Variants in CFTR observed in about 807,000 individuals in gnomAD.
The protein encoded by CFTR is cystic fibrosis transmembrane conductance regulator.
CFTR carries 181 observed loss-of-function variants against 171.6 expected under a neutral mutation model. The ratio of observed to expected loss-of-function variants is 1.05; its 90% CI spans 0.93 to 1.19. CFTR has a LOEUF of 1.19. CFTR is among the 50% of genes most tolerant of loss of function. The pLI is 0.00. For missense variants in CFTR, 1,968 were observed against 1,734.7 expected (o/e 1.13, Z -2.39); for synonymous variants, 583 against 608.0 (o/e 0.96, Z 0.60).
At chr7:117,554,509 A>G (rs1005925561) in intron 10 of CFTR, among the ~76,000 whole-genome samples, 3 of 151,996 alleles carry the variant, frequency 2.0e-5, no homozygotes, top group African/African-American at 7.3e-5. Context: ...CCAAATAGAG[A>G]TGTTAGTTGG....
chr7:117,635,208 A>T (rs1792806625), intron 22 of CFTR, among the ~76,000 whole-genome samples: 1 of 152,016 alleles, frequency 6.6e-6, no homozygotes, highest in Non-Finnish European at 1.5e-5. Context: ...AATGCCCCTC[A>T]TTATTTCCTC....
chr7:117,659,159 C>T lies in CFTR; in HGVS notation c.3964-5529C>T, dbSNP rs141502189. Reference sequence around the variant, plus strand: ...TCTCTACCTGGGAAACTCCCCCAGCCCTTCACTGCCTCCTTCTACCATCTT... The same window carrying T: ...TCTCTACCTGGGAAACTCCCCCAGCTCTTCACTGCCTCCTTCTACCATCTT... On this transcript the variant is annotated intron_variant, in intron 24 of 26. Coordinates refer to ENST00000003084, the MANE Select transcript of CFTR (RefSeq NM_000492.4). Among the ~76,000 whole-genome samples the T allele has an allele frequency of 6.6e-5, 10 of 152,286 alleles. No homozygotes were observed. In the East Asian group the frequency reaches 1.7e-3, roughly 27 times the overall value.
At chr7:117,651,813 C>T (rs2077909444) in intron 23 of CFTR, among the ~76,000 whole-genome samples, 2 of 152,072 alleles carry the variant, frequency 1.3e-5, no homozygotes, top group Non-Finnish European at 2.9e-5. Flanking sequence ...GACACAGACA[C>T]CATTAATTGG....
At chr7:117,574,253 A>G (rs895545783) in intron 11 of CFTR, among the ~76,000 whole-genome samples, 1 of 152,110 alleles carries the variant, frequency 6.6e-6, no homozygotes, top group Non-Finnish European at 1.5e-5. Context: ...CAAATGAACA[A>G]TAAATTAGGT....
Position 117,667,038 on chromosome 7 carries a change from G to A in CFTR, c.4373G>A (p.Cys1458Tyr). The change falls in exon 27 of 27, where the codon TGC (cysteine) becomes TAC (tyrosine). Residue 1458 changes from cysteine (C) to tyrosine (Y), a missense_variant. Transcript: ENST00000003084. ...KLFPHRNSSK[C>Y]KSKPQIAALK... Reference sequence around the variant, plus strand: ...TTTCCCCACCGGAACTCAAGCAAGTGCAAGTCTAAGCCCCAGATTGCTGCT... The same window carrying A: ...TTTCCCCACCGGAACTCAAGCAAGTACAAGTCTAAGCCCCAGATTGCTGCT... 6.2e-7 allele frequency: 1 copy of A among 1,614,050 alleles called. No homozygotes were observed. Among genetic ancestry groups the A allele is most frequent in the Non-Finnish European group, 8.5e-7 (1 of 1,179,978 alleles).
chr7:117,588,879 C>A (rs1421240611), intron 12 of CFTR, among the ~76,000 whole-genome samples: 2 of 152,072 alleles, frequency 1.3e-5, no homozygotes. Context: ...TGGAAATACA[C>A]TGTAAGGCAA....
chr7:117,646,992 T>G (rs1451947189), intron 23 of CFTR, among the ~76,000 whole-genome samples: 1 of 152,158 alleles, frequency 6.6e-6, no homozygotes, highest in Non-Finnish European at 1.5e-5. Context: ...TTACATGCAA[T>G]CATTTATATG....
intron 1 of CFTR, among the ~76,000 whole-genome samples, chr7:117,501,765 A>G (rs1798331851): frequency 6.7e-6 from 1 of 149,522 alleles, no homozygotes; most frequent in African/African-American, 2.5e-5. Context: ...AAAAAAAAAA[A>G]AAAAAAGAAA....
intron 15 of CFTR, among the ~76,000 whole-genome samples, chr7:117,600,732 A>C (rs553505918): frequency 1.5e-4 from 23 of 152,166 alleles, no homozygotes; most frequent in African/African-American, 5.1e-4. Context: ...TGATTCTTAA[A>C]GCCCTGAGAA....
chr7:117,541,205 A>C (rs1480165812), intron 8 of CFTR, among the ~76,000 whole-genome samples: 1 of 152,136 alleles, frequency 6.6e-6, no homozygotes, highest in East Asian at 1.9e-4. Flanking sequence ...TAGCTCTGGG[A>C]ATCATCTTGT....
intron 10 of CFTR, among the ~76,000 whole-genome samples, chr7:117,555,999 T>A (rs2115925711): frequency 6.6e-6 from 1 of 152,294 alleles, no homozygotes; most frequent in Admixed American, 6.5e-5. Flanking sequence ...TATTTAATTT[T>A]TTTGTATTTA....
rs1799118627 is a variant in CFTR at position 117,545,148 on chromosome 7, C to T, written c.1209+3040C>T. The stretch of plus-strand genomic sequence containing the variant: ...ATGAAAGGCATGTCTCACATGGAGG[C>T]AGATAAGAGCATAGAACTTGTGCAG... On this transcript the variant is annotated intron_variant, in intron 9 of 26. Coordinates refer to ENST00000003084, the MANE Select transcript of CFTR (RefSeq NM_000492.4). Among the ~76,000 whole-genome samples the T allele has an allele frequency of 3.9e-5, 6 of 152,222 alleles. No individual in the cohort carries two copies. In the South Asian group the frequency reaches 1.2e-3, roughly 32 times the overall value.
At chr7:117,610,954 T>A (rs757343896) in intron 19 of CFTR, among the ~76,000 whole-genome samples, 1 of 152,114 alleles carries the variant, frequency 6.6e-6, no homozygotes, top group South Asian at 2.1e-4. Flanking sequence ...AATAAACTTA[T>A]ATCAGTCAAA....
intron 9 of CFTR, among the ~76,000 whole-genome samples, chr7:117,542,828 GGAGA>G (rs1206491835): frequency 1.3e-5 from 2 of 152,142 alleles, no homozygotes; most frequent in African/African-American, 4.8e-5. Flanking sequence ...GAAGACTGAA[GGAGA>G]GAATTTAGGT....
chr7:117,610,660 G>C lies in CFTR; in HGVS notation c.3130G>C (p.Glu1044Gln), dbSNP rs1455444601. ...AACCTCACAGCAACTCAAACAACTGGAATCTGAAGGTATGACAGTGAATGT... is the reference window on the plus strand; with the variant it reads ...AACCTCACAGCAACTCAAACAACTGCAATCTGAAGGTATGACAGTGAATGT... ...LQTSQQLKQLESEGRSPIFTH... is the reference protein window; with the variant it reads ...LQTSQQLKQLQSEGRSPIFTH... The change falls in exon 19 of 27, where the codon GAA becomes CAA. Residue 1044 changes from glutamate (E) to glutamine (Q), a missense_variant. Coordinates refer to ENST00000003084, the MANE Select transcript of CFTR (RefSeq NM_000492.4). The C allele has an allele frequency of 6.2e-7, 1 of 1,613,170 alleles. No individual in the cohort carries two copies. Among genetic ancestry groups the C allele is most frequent in the Middle Eastern group, 1.7e-4 (1 of 6,050 alleles).
intron 12 of CFTR, among the ~76,000 whole-genome samples, chr7:117,589,486 A>G (rs1259987156): frequency 6.6e-6 from 1 of 152,036 alleles, no homozygotes; most frequent in African/African-American, 2.4e-5. Context: ...GTTACTATCA[A>G]TCACACCTGA....
At chr7:117,590,167 T>A (rs1251660251) in intron 12 of CFTR, among the ~76,000 whole-genome samples, 186 bp from the exon 13 acceptor site, 1 of 152,058 alleles carries the variant, frequency 6.6e-6, no homozygotes, top group East Asian at 1.9e-4. Flanking sequence ...TTTAAAATAA[T>A]CTACCATAGT....
chr7:117,656,195 C>G (rs1168983014), intron 24 of CFTR, among the ~76,000 whole-genome samples: 1 of 152,142 alleles, frequency 6.6e-6, no homozygotes, highest in African/African-American at 2.4e-5. Context: ...CATCTCTCCA[C>G]ACCTTCTCAT....
intron 11 of CFTR, chr7:117,586,490 G>A (rs1488454912): frequency 2.6e-5 from 4 of 152,110 alleles, no homozygotes; most frequent in South Asian, 2.1e-4. Flanking sequence ...CAGCCAACAG[G>A]AACCACCAAA....
Sources: gnomAD v4.1 joint callset for allele counts (sites outside exome capture counted in the v4.1 genomes callset) on GRCh38, gnomAD v4.1.1 for gene constraint, MANE v1.5 for transcripts, NCBI Gene and HGNC (gene_info 2026-07-23, HGNC 2026-07-21) for gene names.